MALRD1: variants seen among roughly 807,000 people sequenced by gnomAD.
MALRD1 encodes the protein MAM and LDL receptor class A domain containing 1.
In MALRD1, 247 loss-of-function variants were observed where a neutral mutation model predicts 242.1. That is an observed-to-expected ratio of 1.02 (90% CI 0.92 to 1.13). The LOEUF (loss-of-function observed/expected upper bound fraction) is 1.13. Among genes scored for constraint, MALRD1 ranks in the 50% most tolerant of loss-of-function variants. MALRD1 has a pLI of 0.00. For missense variants in MALRD1, 2,989 were observed against 2,533.1 expected, an observed-to-expected ratio of 1.18 and a Z score of -3.86; for synonymous variants, 995 against 866.6, an observed-to-expected ratio of 1.15 and a Z score of -2.60.
At chr10:19,153,582 G>A (rs1173099822) in intron 11 of MALRD1, among the ~76,000 whole-genome samples, 2 of 151,958 alleles carry the variant, frequency 1.3e-5, no homozygotes, top group South Asian at 2.1e-4. Flanking sequence ...TACTCCCAGT[G>A]GGAGGCTGAA....
chr10:19,656,669 T>C (rs1841165447), intron 36 of MALRD1, among the ~76,000 whole-genome samples: 1 of 152,118 alleles, frequency 6.6e-6, no homozygotes, highest in African/African-American at 2.4e-5. Context: ...TCCCAATAGA[T>C]ACAAATTTGG....
chr10:19,729,440 A>G (rs943819165), intron 38 of MALRD1, among the ~76,000 whole-genome samples: 4 of 152,114 alleles, frequency 2.6e-5, no homozygotes, highest in Admixed American at 6.5e-5. Context: ...CATACATTAT[A>G]TATTTGTTAC....
At chr10:19,103,229 G>T (rs970583355) in intron 4 of MALRD1, among the ~76,000 whole-genome samples, 1 of 151,904 alleles carries the variant, frequency 6.6e-6, no homozygotes, top group Non-Finnish European at 1.5e-5. Context: ...TGTGCAATAG[G>T]TTAGCATGAG....
At chr10:19,346,710 GGCAC>G (rs1464355151) in intron 24 of MALRD1, among the ~76,000 whole-genome samples, 2 of 152,022 alleles carry the variant, frequency 1.3e-5, no homozygotes, top group African/African-American at 4.8e-5. Flanking sequence ...GGATTGCAAT[GGCAC>G]AGTCTCGCTC....
At chr10:19,531,143 T>A in intron 31 of MALRD1, 51 bp from the exon 32 acceptor site, 2 of 1,434,616 alleles carry the variant, frequency 1.4e-6, no homozygotes, top group Non-Finnish European at 1.9e-6. Context: ...ACATTCCGAC[T>A]CATGCGATAT....
intron 28 of MALRD1, among the ~76,000 whole-genome samples, chr10:19,393,167 C>G (rs568002295): frequency 1.3e-5 from 2 of 152,180 alleles, no homozygotes; most frequent in Admixed American, 6.5e-5. Flanking sequence ...TGGGCCCTAT[C>G]TTTTTCTGAA....
At chr10:19,263,112 G>C (rs966979773) in intron 19 of MALRD1, among the ~76,000 whole-genome samples, 1 of 152,134 alleles carries the variant, frequency 6.6e-6, no homozygotes, top group South Asian at 2.1e-4. Context: ...TTGGAGTCCA[G>C]ATGTCTCTTT....
intron 28 of MALRD1, among the ~76,000 whole-genome samples, chr10:19,401,907 C>G (rs1846869034): frequency 6.6e-6 from 1 of 152,156 alleles, no homozygotes; most frequent in Admixed American, 6.6e-5. Flanking sequence ...TTGAAGAACT[C>G]TAATACCACT....
chr10:19,110,510 G>A (rs1836639869), intron 5 of MALRD1, among the ~76,000 whole-genome samples: 2 of 152,178 alleles, frequency 1.3e-5, no homozygotes, highest in East Asian at 1.9e-4. Context: ...AATAATTAAA[G>A]TGTCGTCCTC....
At chr10:19,514,776 T>C (rs1833555039) in intron 31 of MALRD1, among the ~76,000 whole-genome samples, 1 of 152,120 alleles carries the variant, frequency 6.6e-6, no homozygotes, top group African/African-American at 2.4e-5. Context: ...GAATATTTGT[T>C]TCCTAGGTCA....
At chr10:19,384,447 GTATA>G (rs1392259743) in intron 26 of MALRD1, among the ~76,000 whole-genome samples, 1 of 109,082 alleles carries the variant, frequency 9.2e-6, no homozygotes, top group Non-Finnish European at 1.7e-5. Context: ...ATATTATATA[GTATA>G]TATAATATAA....
chr10:19,104,139 T>G (rs1836380803), intron 5 of MALRD1, 64 bp downstream of exon 5: 1 of 888,030 alleles, frequency 1.1e-6, no homozygotes, highest in Admixed American at 4.3e-5. Flanking sequence ...AATTTAAACA[T>G]TGTGATGACT....
intron 14 of MALRD1, among the ~76,000 whole-genome samples, chr10:19,203,312 T>A (rs1436454095): frequency 6.6e-6 from 1 of 152,148 alleles, no homozygotes; most frequent in Non-Finnish European, 1.5e-5. Flanking sequence ...CTTCACATAT[T>A]AAATTGTTTA....
At chr10:19,415,239 C>A (rs922761117) in intron 28 of MALRD1, among the ~76,000 whole-genome samples, 2 of 152,134 alleles carry the variant, frequency 1.3e-5, no homozygotes, top group African/African-American at 2.4e-5. Context: ...TAATAAAACA[C>A]ATCCATACAA....
At chr10:19,127,970 T>C (rs571098418) in intron 7 of MALRD1, among the ~76,000 whole-genome samples, 28 of 152,272 alleles carry the variant, frequency 1.8e-4, no homozygotes, top group African/African-American at 6.0e-4. Flanking sequence ...GAATCTTGAA[T>C]TTTTACAAAA....
intron 18 of MALRD1, among the ~76,000 whole-genome samples, chr10:19,224,284 CTTT>C (rs377702801): frequency 0.016 from 2,194 of 136,316 alleles, 44 homozygotes; most frequent in African/African-American, 0.056. Flanking sequence ...GGATGATGAG[CTTT>C]TTTTTTTTTT....
At chr10:19,407,499 A>G (rs1368244575) in intron 28 of MALRD1, among the ~76,000 whole-genome samples, 1 of 151,994 alleles carries the variant, frequency 6.6e-6, no homozygotes, top group Admixed American at 6.6e-5. Flanking sequence ...TAATAAAAAT[A>G]AAAATAAAAA....
intron 29 of MALRD1, among the ~76,000 whole-genome samples, chr10:19,456,720 A>G (rs750250902): frequency 1.3e-5 from 2 of 151,962 alleles, no homozygotes; most frequent in Non-Finnish European, 2.9e-5. Flanking sequence ...AGTAATGCAC[A>G]TCTCGCCCTA....
At chr10:19,643,424 C>A (rs1283880610) in intron 36 of MALRD1, among the ~76,000 whole-genome samples, 1 of 151,710 alleles carries the variant, frequency 6.6e-6, no homozygotes, top group Non-Finnish European at 1.5e-5. Flanking sequence ...TCAGTGTGGG[C>A]AACAAGAAAG....
Sources: allele counts gnomAD v4.1 joint callset (sites outside exome capture counted in the v4.1 genomes callset), GRCh38; gene constraint gnomAD v4.1.1; transcripts MANE v1.5; gene names NCBI Gene and HGNC (gene_info 2026-07-23, HGNC 2026-07-21).